The following GABRG3 variants were observed in gnomAD, a reference collection of about 807,000 sequenced individuals.
GABRG3 encodes the protein gamma-aminobutyric acid receptor subunit gamma-3.
Under a neutral mutation model 48.8 loss-of-function variants are expected in GABRG3, and 25 were observed. The observed-to-expected ratio is 0.51, with a 90% confidence interval of 0.37 to 0.72. GABRG3 has a LOEUF of 0.72. GABRG3 is among the 30% of genes least tolerant of loss of function. The pLI is 0.00. For synonymous variants in GABRG3, 227 were observed against 217.6 expected, an observed-to-expected ratio of 1.04 and a Z score of -0.38; for missense variants, 394 against 577.9, an observed-to-expected ratio of 0.68 and a Z score of 3.26.
chr15:27,463,921 C>T lies in GABRG3; in HGVS notation c.575-16729C>T, dbSNP rs146437074. Reference sequence around the variant, plus strand: ...GACAGGACCAGCAAACCCACGTGCCCCTCCCATAAGGCATCATTGTTCATG... The same window carrying T: ...GACAGGACCAGCAAACCCACGTGCCTCTCCCATAAGGCATCATTGTTCATG... On this transcript the variant is annotated intron_variant, in intron 5 of 9. Coordinates refer to ENST00000615808, the MANE Select transcript of GABRG3 (RefSeq NM_033223.5). 4.6e-3 allele frequency among the ~76,000 whole-genome samples: 698 copies of T among 152,216 alleles called. 4 individuals carry two copies. Among genetic ancestry groups the T allele is most frequent in the African/African-American group, 0.016 (651 of 41,526 alleles).
intron 3 of GABRG3, among the ~76,000 whole-genome samples, chr15:27,117,779 A>G (rs1254148503): frequency 3.3e-5 from 5 of 152,154 alleles, no homozygotes; most frequent in South Asian, 2.1e-4. Context: ...ATAATAACCA[A>G]TAATGCTGAT....
At chr15:27,226,714 G>A (rs1019743758) in intron 3 of GABRG3, among the ~76,000 whole-genome samples, 1 of 152,168 alleles carries the variant, frequency 6.6e-6, no homozygotes, top group African/African-American at 2.4e-5. Flanking sequence ...TGGAGTGACG[G>A]GCACATAACT....
intron 3 of GABRG3, among the ~76,000 whole-genome samples, chr15:27,126,873 C>A (rs1481129936): frequency 6.6e-6 from 1 of 152,046 alleles, no homozygotes; most frequent in Non-Finnish European, 1.5e-5. Context: ...GGTGATGGAG[C>A]CCTGAGTAGG....
intron 3 of GABRG3, among the ~76,000 whole-genome samples, chr15:27,121,779 T>TA (rs1252665403): frequency 6.6e-6 from 1 of 152,194 alleles, no homozygotes; most frequent in African/African-American, 2.4e-5. Context: ...GTTTGGCTAA[T>TA]AAAAAAGAGT....
intron 3 of GABRG3, among the ~76,000 whole-genome samples, chr15:27,313,671 G>A (rs1203322392): frequency 1.3e-5 from 2 of 151,896 alleles, no homozygotes; most frequent in Non-Finnish European, 2.9e-5. Context: ...GACATCAGTA[G>A]CAGAAGGAAA....
chr15:27,258,089 T>C (rs915725473), intron 3 of GABRG3, among the ~76,000 whole-genome samples: 6 of 152,160 alleles, frequency 3.9e-5, no homozygotes, highest in African/African-American at 1.2e-4. Flanking sequence ...TCCTTGCTAA[T>C]GGGTAATGAC....
At chr15:27,077,549 C>G (rs1243468768) in intron 3 of GABRG3, among the ~76,000 whole-genome samples, 2 of 152,146 alleles carry the variant, frequency 1.3e-5, no homozygotes, top group Non-Finnish European at 2.9e-5. Flanking sequence ...GCTTTCTGTG[C>G]TGACCTTCGT....
intron 3 of GABRG3, among the ~76,000 whole-genome samples, chr15:27,114,540 A>T (rs181228551): frequency 7.2e-5 from 11 of 152,340 alleles, no homozygotes; most frequent in Middle Eastern, 3.4e-3. Flanking sequence ...AGAAGCAGTG[A>T]TTGTTTGAAT....
At chr15:27,244,589 C>A (rs954536750) in intron 3 of GABRG3, among the ~76,000 whole-genome samples, 1 of 152,182 alleles carries the variant, frequency 6.6e-6, no homozygotes, top group African/African-American at 2.4e-5. Context: ...ATTACAATAT[C>A]ATTTGAATAA....
Position 27,496,080 on chromosome 15 carries a change from A to C in GABRG3, c.712+15293A>C, listed in dbSNP as rs1439642162. 2.0e-5 allele frequency among the ~76,000 whole-genome samples: 3 copies of C among 152,074 alleles called. No individual in the cohort carries two copies. In the East Asian group the frequency reaches 5.8e-4, roughly 29 times the overall value. ...GGTGCTCCTTGGTCTTTCTGGGCAG[A>C]GGTAGGAATTTGATTTCTGCACTAG... is the stretch of plus-strand genomic sequence containing the variant. On this transcript the variant is annotated intron_variant, in intron 6 of 9. Transcript: ENST00000615808.
At chr15:27,210,079 T>TG (rs909726101) in intron 3 of GABRG3, among the ~76,000 whole-genome samples, 5 of 152,252 alleles carry the variant, frequency 3.3e-5, no homozygotes, top group South Asian at 2.1e-4. Flanking sequence ...CATATGAATT[T>TG]GGGGGGACAC....
At chr15:27,187,568 C>T (rs1888137812) in intron 3 of GABRG3, among the ~76,000 whole-genome samples, 2 of 152,082 alleles carry the variant, frequency 1.3e-5, no homozygotes, top group Admixed American at 1.3e-4. Flanking sequence ...TTGTTTGCAT[C>T]ATCTTTGATT....
chr15:27,064,047 C>T (rs745921514), intron 3 of GABRG3, among the ~76,000 whole-genome samples: 3 of 152,166 alleles, frequency 2.0e-5, no homozygotes, highest in Admixed American at 6.5e-5. Flanking sequence ...GCAGTAGATT[C>T]GTTTAATGTG....
At chr15:27,004,830 G>A (rs546466446) in intron 2 of GABRG3, among the ~76,000 whole-genome samples, 5 of 152,204 alleles carry the variant, frequency 3.3e-5, no homozygotes, top group African/African-American at 4.8e-5. Flanking sequence ...AAAATAAACC[G>A]CCTTAAGATT....
At chr15:27,202,219 C>T (rs551152330) in intron 3 of GABRG3, among the ~76,000 whole-genome samples, 2 of 152,146 alleles carry the variant, frequency 1.3e-5, no homozygotes, top group African/African-American at 4.8e-5. Flanking sequence ...ATTTTTGTTT[C>T]CTTTTTATAA....
At chr15:27,392,586 C>T (rs1377539913) in intron 5 of GABRG3, among the ~76,000 whole-genome samples, 1 of 152,146 alleles carries the variant, frequency 6.6e-6, no homozygotes, top group African/African-American at 2.4e-5. Context: ...AAAGTTATTC[C>T]CTTCATCATG....
intron 5 of GABRG3, among the ~76,000 whole-genome samples, chr15:27,468,908 G>A (rs534218031): frequency 3.3e-5 from 5 of 152,306 alleles, no homozygotes; most frequent in African/African-American, 1.2e-4. Context: ...AAAGAAATTT[G>A]TGCTAGTATT....
At chr15:27,088,241 T>C (rs1373046201) in intron 3 of GABRG3, among the ~76,000 whole-genome samples, 2 of 90,052 alleles carry the variant, frequency 2.2e-5, no homozygotes, top group African/African-American at 9.0e-5. Context: ...GTTCTGGGAG[T>C]GCTCGGGGCG....
rs150102149 is a variant in GABRG3 at position 27,055,006 on chromosome 15, G to GTTT, written c.270+28204_270+28206dup. Among the ~76,000 whole-genome samples, 9 of 141,154 alleles carry GTTT rather than the reference G, an allele frequency of 6.4e-5. No individual in the cohort carries two copies. In the East Asian group the frequency reaches 1.8e-3, roughly 28 times the overall value. The allele number at this position is 141,154 out of a possible 152,430, so 92.6% of individuals were successfully genotyped here. Reference sequence around the variant, plus strand: ...AGTTACAGCCCAAGGGCCAAGACCTGTTTTTTTTTTTTTTTTTTTTTAAAT... The same window carrying GTTT: ...AGTTACAGCCCAAGGGCCAAGACCTGTTTTTTTTTTTTTTTTTTTTTTTTAAAT... On this transcript the variant is annotated intron_variant, in intron 3 of 9. Transcript: ENST00000615808.
Sources: allele counts gnomAD v4.1 joint callset (sites outside exome capture counted in the v4.1 genomes callset), GRCh38; gene constraint gnomAD v4.1.1; transcripts MANE v1.5; gene names NCBI Gene and HGNC (gene_info 2026-07-23, HGNC 2026-07-21).